Variants in SLC8A1 observed in about 807,000 individuals in gnomAD.
SLC8A1 encodes sodium/calcium exchanger 1.
A neutral mutation model predicts 68.3 loss-of-function variants in SLC8A1; 18 were observed. The ratio of observed to expected loss-of-function variants is 0.26; its 90% CI spans 0.18 to 0.39. The LOEUF (loss-of-function observed/expected upper bound fraction) is 0.39. Among genes scored for constraint, SLC8A1 ranks in the 10% least tolerant of loss-of-function variants. The pLI, the probability that SLC8A1 is intolerant of heterozygous loss-of-function variation, is 1.00. For missense variants in SLC8A1, 985 were observed against 1,156.7 expected (o/e 0.85, Z 2.15); for synonymous variants, 475 against 415.5 (o/e 1.14, Z -1.74).
intron 2 of SLC8A1, among the ~76,000 whole-genome samples, chr2:40,288,811 C>A (rs560294795): frequency 1.4e-5 from 2 of 142,176 alleles, no homozygotes; most frequent in African/African-American, 5.9e-5. Flanking sequence ...TACTTTACTT[C>A]GAAAATGTCT....
intron 1 of SLC8A1, among the ~76,000 whole-genome samples, chr2:40,496,228 A>G (rs892541650): frequency 3.3e-5 from 5 of 152,162 alleles, no homozygotes; most frequent in Non-Finnish European, 7.4e-5. Context: ...TTACTTGGCT[A>G]GATTTACTTG....
At chr2:40,322,052 T>C (rs978521845) in intron 2 of SLC8A1, among the ~76,000 whole-genome samples, 1 of 152,142 alleles carries the variant, frequency 6.6e-6, no homozygotes, top group African/African-American at 2.4e-5. Flanking sequence ...TAGCAATTAT[T>C]CACAAAGTTC....
intron 6 of SLC8A1, among the ~76,000 whole-genome samples, chr2:40,142,618 T>A (rs987094137): frequency 6.6e-6 from 1 of 152,174 alleles, no homozygotes; most frequent in Non-Finnish European, 1.5e-5. Flanking sequence ...GAACAAATAA[T>A]GAAGCTTCTC....
At chr2:40,171,302 T>G (rs1212633461) in intron 4 of SLC8A1, among the ~76,000 whole-genome samples, 2 of 152,214 alleles carry the variant, frequency 1.3e-5, no homozygotes, top group Non-Finnish European at 2.9e-5. Context: ...GTCTTGTGTC[T>G]TATTAAGTCT....
intron 2 of SLC8A1, among the ~76,000 whole-genome samples, chr2:40,270,605 T>G (rs1032982053): frequency 3.3e-5 from 5 of 152,216 alleles, no homozygotes; most frequent in African/African-American, 9.6e-5. Flanking sequence ...GGAAAAGCAT[T>G]CTGCTTTTAA....
intron 7 of SLC8A1, among the ~76,000 whole-genome samples, chr2:40,122,236 G>GCGCACA (rs1553339256): frequency 6.0e-5 from 9 of 149,384 alleles, no homozygotes; most frequent in African/African-American, 2.2e-4. Flanking sequence ...GTGTGCGCGC[G>GCGCACA]CACACACACA....
intron 2 of SLC8A1, among the ~76,000 whole-genome samples, chr2:40,342,880 G>C (rs1412605728): frequency 6.6e-6 from 1 of 152,108 alleles, no homozygotes; most frequent in Non-Finnish European, 1.5e-5. Context: ...TTGATACTGT[G>C]TTAAACGTAC....
chr2:40,232,366 G>C (rs898180670), intron 2 of SLC8A1, among the ~76,000 whole-genome samples: 1 of 150,734 alleles, frequency 6.6e-6, no homozygotes, highest in Non-Finnish European at 1.5e-5. Context: ...TTTTAAGAGA[G>C]ATGGGGCATG....
chr2:40,237,917 G>C (rs190306891), intron 2 of SLC8A1, among the ~76,000 whole-genome samples: 12 of 134,594 alleles, frequency 8.9e-5, no homozygotes, highest in African/African-American at 1.7e-4. Context: ...TAGGCTGCTC[G>C]GGGGTCAGGG....
At chr2:40,245,194 T>C (rs1247366135) in intron 2 of SLC8A1, among the ~76,000 whole-genome samples, 1 of 116,062 alleles carries the variant, frequency 8.6e-6, no homozygotes, top group Admixed American at 9.8e-5. Context: ...AAGTGGCACA[T>C]AGGAGAAACT....
intron 2 of SLC8A1, among the ~76,000 whole-genome samples, chr2:40,342,493 TA>T (rs1331460183): frequency 1.3e-5 from 2 of 151,750 alleles, no homozygotes; most frequent in African/African-American, 2.4e-5. Flanking sequence ...AGAATAGTAG[TA>T]AAAAGTAAAT....
chr2:40,464,326 A>C (rs574409290), intron 1 of SLC8A1, among the ~76,000 whole-genome samples: 2 of 152,362 alleles, frequency 1.3e-5, no homozygotes, highest in African/African-American at 4.8e-5. Context: ...GCATAGAGAC[A>C]ACGCATTTCA....
At chr2:40,349,170 T>G (rs1283382564) in intron 2 of SLC8A1, among the ~76,000 whole-genome samples, 2 of 152,072 alleles carry the variant, frequency 1.3e-5, no homozygotes, top group East Asian at 3.9e-4. Context: ...CAGACACAAT[T>G]TGAGCACATC....
chr2:40,453,325 T>G (rs1702777096), upstream of SLC8A1: 2 of 152,046 alleles, frequency 1.3e-5, no homozygotes, highest in Non-Finnish European at 2.9e-5. Flanking sequence ...AGCAGCTACT[T>G]GGGGAAGGTG....
intron 2 of SLC8A1, among the ~76,000 whole-genome samples, chr2:40,211,652 G>T (rs1449749711): frequency 6.6e-6 from 1 of 152,116 alleles, no homozygotes; most frequent in African/African-American, 2.4e-5. Flanking sequence ...GAAATGAATG[G>T]ATCCTGAAGG....
chr2:40,163,685 CG>C (rs35968053), intron 5 of SLC8A1, among the ~76,000 whole-genome samples: 2,434 of 152,236 alleles, frequency 0.016, 20 homozygotes, highest in African/African-American at 0.031. Flanking sequence ...TGTTTACCCC[CG>C]GACCCCCTCC....
intron 2 of SLC8A1, among the ~76,000 whole-genome samples, chr2:40,400,835 A>G (rs563531796): frequency 3.9e-5 from 6 of 152,336 alleles, no homozygotes; most frequent in African/African-American, 1.4e-4. Flanking sequence ...GCCAACTGGC[A>G]TAGGGAGCAC....
intron 2 of SLC8A1, among the ~76,000 whole-genome samples, chr2:40,291,020 A>T (rs2069208957): frequency 6.6e-6 from 1 of 152,228 alleles, no homozygotes; most frequent in African/African-American, 2.4e-5. Flanking sequence ...TACAGCAGGT[A>T]AATTTTATGT....
chr2:40,360,401 T>C (rs1476297368), intron 2 of SLC8A1, among the ~76,000 whole-genome samples: 1 of 152,210 alleles, frequency 6.6e-6, no homozygotes, highest in African/African-American at 2.4e-5. Flanking sequence ...GCATAGTTTA[T>C]ATATTTATAT....
Sources: gnomAD v4.1 joint callset for allele counts (sites outside exome capture counted in the v4.1 genomes callset) on GRCh38, gnomAD v4.1.1 for gene constraint, MANE v1.5 for transcripts, NCBI Gene and HGNC (gene_info 2026-07-23, HGNC 2026-07-21) for gene names.